Variants in FAM184B observed in about 807,000 individuals in gnomAD.
The protein encoded by FAM184B is family with sequence similarity 184 member B, also known as protein FAM184B.
In FAM184B, 111 loss-of-function variants were observed where a neutral mutation model predicts 135.9. The ratio of observed to expected loss-of-function variants is 0.82; its 90% CI spans 0.70 to 0.96. The LOEUF is 0.96. Among genes scored for constraint, FAM184B ranks in the 40% least tolerant of loss-of-function variants. The pLI is 0.00. For synonymous variants in FAM184B, 552 were observed against 524.8 expected (o/e 1.05, Z -0.71); for missense variants, 1,375 against 1,323.9 (o/e 1.04, Z -0.60).
chr4:17,766,794 C>A (rs577792756), intron 1 of FAM184B, among the ~76,000 whole-genome samples: 1 of 152,360 alleles, frequency 6.6e-6, no homozygotes, highest in East Asian at 1.9e-4. Context: ...CTGCCAGTCC[C>A]GCGCAGAGCA....
chr4:17,736,012 A>G (rs779598762), intron 1 of FAM184B, among the ~76,000 whole-genome samples: 15 of 152,204 alleles, frequency 9.9e-5, no homozygotes, highest in Non-Finnish European at 1.8e-4. Context: ...GATGATCTTG[A>G]TAACAGTGTT....
intron 1 of FAM184B, among the ~76,000 whole-genome samples, chr4:17,731,681 G>A (rs187666764): frequency 2.6e-4 from 40 of 152,296 alleles, no homozygotes; most frequent in East Asian, 2.1e-3. Context: ...CACAAAGCAA[G>A]TCCTTAGTGA....
chr4:17,633,004 C>A (rs1002619960), intron 17 of FAM184B: 2 of 162,548 alleles, frequency 1.2e-5, no homozygotes, highest in Non-Finnish European at 2.7e-5. Flanking sequence ...TCACTGCAAC[C>A]TCCAGCCTCC....
At chr4:17,647,404 C>T (rs1048064700) in intron 12 of FAM184B, among the ~76,000 whole-genome samples, 12 of 152,050 alleles carry the variant, frequency 7.9e-5, no homozygotes, top group African/African-American at 1.2e-4. Flanking sequence ...TATGCCACCA[C>T]GCCCAGCTAA....
rs530656827 is a variant in FAM184B at position 17,647,769 on chromosome 4, C to T, written c.2214G>A (p.Ser738=). 3.9e-5 allele frequency: 61 copies of T among 1,550,560 alleles called. 1 individual carries two copies. In the African/African-American group the frequency reaches 7.1e-4, roughly 18 times the overall value. Residue 738 remains serine, a synonymous_variant, in exon 12 of 18, where the codon TCG becomes TCA. Coordinates refer to ENST00000265018, the MANE Select transcript of FAM184B (RefSeq NM_015688.2). ...LLLESLRQEL[S]EQQAACSGHQ... ...GCCCAGAACAGGCAGCTTGCTGCTC[C>T]GACAGCTCCTGTCTGAGCGACTCTG... is the stretch of plus-strand genomic sequence containing the variant.
chr4:17,712,551 A>C lies in FAM184B; in HGVS notation c.142-2907T>G, dbSNP rs369121461. ...TCCATGAGGCTGTCTATTGAACTAC[A>C]CTCTAACTTCATTGCCAAGTTCCTA... On this transcript the variant is annotated intron_variant, in intron 1 of 17. Coordinates refer to ENST00000265018, the MANE Select transcript of FAM184B (RefSeq NM_015688.2). Among the ~76,000 whole-genome samples the C allele has an allele frequency of 9.2e-5, 14 of 152,090 alleles. No individual in the cohort carries two copies. The East Asian group carries it at 1.5e-3, about 17-fold the overall frequency.
chr4:17,670,955 A>G (rs888379087), intron 7 of FAM184B, among the ~76,000 whole-genome samples: 2 of 152,192 alleles, frequency 1.3e-5, no homozygotes. Flanking sequence ...GTATCTGAAA[A>G]ACTGCAACTC....
Position 17,636,686 on chromosome 4 carries a change from A to T in FAM184B, c.2667-41T>A, listed in dbSNP as rs1013539863. ...ATGCAGTCAAGTCCCCCTTACAGCA[A>T]TTACTCAACAAAGAGGGAGAACAAG... On this transcript the variant is annotated intron_variant, in intron 14 of 17. Transcript: ENST00000265018. 3 of 1,442,358 alleles carry T rather than the reference A, an allele frequency of 2.1e-6. No individual in the cohort carries two copies. In the Admixed American group the frequency reaches 6.6e-5, roughly 32 times the overall value. The allele number at this position is 1,442,358 out of a possible 1,614,324, so 89.3% of individuals were successfully genotyped here.
chr4:17,778,006 G>A (rs1718964637), intron 1 of FAM184B, among the ~76,000 whole-genome samples: 2 of 151,846 alleles, frequency 1.3e-5, no homozygotes, highest in South Asian at 2.1e-4. Flanking sequence ...GGGAGGTCAA[G>A]GTTGTAGTGA....
chr4:17,654,050 T>C (rs1442634561), intron 10 of FAM184B, among the ~76,000 whole-genome samples: 1 of 152,004 alleles, frequency 6.6e-6, no homozygotes, highest in African/African-American at 2.4e-5. Flanking sequence ...CTCTGGAGTC[T>C]TTAGAAGGAA....
At chr4:17,729,841 T>C (rs962889452) in intron 1 of FAM184B, among the ~76,000 whole-genome samples, 2 of 152,038 alleles carry the variant, frequency 1.3e-5, no homozygotes, top group Non-Finnish European at 2.9e-5. Flanking sequence ...AACTGGAAAC[T>C]GTAAAAAGCA....
Position 17,664,667 on chromosome 4 carries a change from C to G in FAM184B, c.1597-8G>C. The G allele has an allele frequency of 1.5e-6, 2 of 1,319,628 alleles. No homozygotes were observed. The highest frequency in any genetic ancestry group is 2.0e-6 in the Non-Finnish European group (2 of 990,020). 81.7% of individuals were successfully genotyped at this position (1,319,628 alleles called of 1,614,324 possible). A position where few individuals can be genotyped will look rare whatever the true frequency, so the allele number is the denominator to read the frequency against. Reference sequence around the variant, plus strand: ...CAGCTTCAAGCATGGATCCTAAGGCCAAAAAAGAAAAAGAAAAAAAAAAAA... The same window carrying G: ...CAGCTTCAAGCATGGATCCTAAGGCGAAAAAAGAAAAAGAAAAAAAAAAAA... On this transcript the variant is annotated splice_region_variant and splice_polypyrimidine_tract_variant and intron_variant, in intron 7 of 17. Transcript: ENST00000265018.
chr4:17,774,963 A>G (rs1282197753), intron 1 of FAM184B, among the ~76,000 whole-genome samples: 1 of 141,278 alleles, frequency 7.1e-6, no homozygotes, highest in Admixed American at 7.1e-5. Context: ...TTCGATGTGC[A>G]TTTCCTAAGA....
Position 17,707,653 on chromosome 4 carries a change from C to G in FAM184B, c.1026G>C (p.Gln342His), listed in dbSNP as rs1381815673. The change falls in exon 3 of 18, where the codon CAG becomes CAC. Residue 342 changes from glutamine (Q) to histidine (H), a missense_variant. Physicochemically the swap from Gln to His is conservative, Grantham distance 24. Coordinates refer to ENST00000265018, the MANE Select transcript of FAM184B (RefSeq NM_015688.2). Reference sequence around the variant, plus strand: ...AATCATTCCAGGGCATCTCACCTGTCTGCTGTGTCCCACGACACTCCTGCA... The same window carrying G: ...AATCATTCCAGGGCATCTCACCTGTGTGCTGTGTCCCACGACACTCCTGCA... ...MMLQECRGTQ[Q>H]TDAMKTELVS... 6.4e-7 allele frequency: 1 copy of G among 1,551,726 alleles called. No homozygotes were observed. The highest frequency in any genetic ancestry group is 1.2e-5 in the South Asian group (1 of 84,056).
chr4:17,763,604 T>G (rs1718594290), intron 1 of FAM184B, among the ~76,000 whole-genome samples: 1 of 152,150 alleles, frequency 6.6e-6, no homozygotes, highest in South Asian at 2.1e-4. Context: ...ATGTCACCAC[T>G]GTTGCTGGCT....
rs181951139 is a variant in FAM184B, at chr4:17,644,564, T to C, written c.2347-2336A>G. ...TTCATGCTAAAAACTCTCAATAAAT[T>C]AGGTATTGATGAGATGTATCTCAAA... On this transcript the variant is annotated intron_variant, in intron 12 of 17. Transcript: ENST00000265018. Among the ~76,000 whole-genome samples, 561 of 152,210 alleles carry C rather than the reference T, an allele frequency of 3.7e-3. 6 individuals carry two copies. Among genetic ancestry groups the C allele is most frequent in the South Asian group, 0.025 (120 of 4,820 alleles).
intron 11 of FAM184B, among the ~76,000 whole-genome samples, chr4:17,651,374 A>G (rs1395948477): frequency 6.6e-6 from 1 of 151,776 alleles, no homozygotes; most frequent in African/African-American, 2.4e-5. Flanking sequence ...CGTCTCTACT[A>G]AAAATACAGA....
At chr4:17,643,348 T>C (rs1010607057) in intron 12 of FAM184B, among the ~76,000 whole-genome samples, 1 of 152,072 alleles carries the variant, frequency 6.6e-6, no homozygotes, top group African/African-American at 2.4e-5. Context: ...CCCCTGCATC[T>C]CCTCTCTGTG....
At chr4:17,671,866 G>A (rs1716176382) in intron 7 of FAM184B, among the ~76,000 whole-genome samples, 2 of 151,450 alleles carry the variant, frequency 1.3e-5, no homozygotes, top group Non-Finnish European at 2.9e-5. Context: ...TTCACTAGAG[G>A]AATTTAATAG....
Sources: allele counts gnomAD v4.1 joint callset (sites outside exome capture counted in the v4.1 genomes callset), GRCh38; gene constraint gnomAD v4.1.1; transcripts MANE v1.5; gene names NCBI Gene and HGNC (gene_info 2026-07-23, HGNC 2026-07-21).